The following CFAP92 variants were observed in gnomAD, a reference collection of about 807,000 sequenced individuals.
CFAP92 encodes uncharacterized protein CFAP92.
Under a neutral mutation model 106.3 loss-of-function variants are expected in CFAP92, and 86 were observed. That is an observed-to-expected ratio of 0.81 (90% CI 0.68 to 0.97). The LOEUF (loss-of-function observed/expected upper bound fraction) is 0.97. Ranked by LOEUF, CFAP92 falls within the 50% of genes least tolerant of loss-of-function variation. The pLI, the probability that CFAP92 is intolerant of heterozygous loss-of-function variation, is 0.00. For missense variants in CFAP92, 1,204 were observed against 1,283.8 expected, an observed-to-expected ratio of 0.94 and a Z score of 0.95; for synonymous variants, 477 against 506.4, an observed-to-expected ratio of 0.94 and a Z score of 0.78.
chr3:128,986,521 T>C (rs1227559681), intron 4 of CFAP92, among the ~76,000 whole-genome samples: 3 of 151,096 alleles, frequency 2.0e-5, no homozygotes, highest in African/African-American at 7.3e-5. Flanking sequence ...GTACCTGCCT[T>C]TTTTTAATTT....
chr3:128,972,242 T>G (rs780786012), intron 7 of CFAP92, among the ~76,000 whole-genome samples: 102 of 151,090 alleles, frequency 6.8e-4, no homozygotes, highest in Non-Finnish European at 1.3e-3. Context: ...ATGAAGGATT[T>G]CTTTCTTTTT....
chr3:129,015,293 G>C, the CFAP92 span, among the ~76,000 whole-genome samples: 1 of 152,042 alleles, frequency 6.6e-6, no homozygotes, highest in African/African-American at 2.4e-5. Context: ...TTCAGGTCTT[G>C]CCAGACCCCA....
chr3:128,926,944 A>G (rs148287730), intron 12 of CFAP92, among the ~76,000 whole-genome samples: 1,985 of 152,040 alleles, frequency 0.013, 19 homozygotes, highest in Non-Finnish European at 0.022. Context: ...AAATACAAAA[A>G]TTAGCTGGGT....
At chr3:129,009,377 A>G in the CFAP92 span, among the ~76,000 whole-genome samples, 1 of 152,166 alleles carries the variant, frequency 6.6e-6, no homozygotes, top group East Asian at 1.9e-4. Flanking sequence ...CTCTCTGGCA[A>G]ATTCTCTCCC....
intron 12 of CFAP92, among the ~76,000 whole-genome samples, chr3:128,930,193 C>T (rs1938204588): frequency 6.6e-6 from 1 of 152,098 alleles, no homozygotes; most frequent in African/African-American, 2.4e-5. Context: ...CTCTGTCGCC[C>T]AGGCTGGAGT....
intron 15 of CFAP92, among the ~76,000 whole-genome samples, chr3:128,911,919 C>T (rs369842382): frequency 2.6e-5 from 4 of 152,228 alleles, no homozygotes; most frequent in African/African-American, 9.6e-5. Context: ...GGGCTTTGCT[C>T]GTGCTCCCCG....
At position 128,991,720 on chromosome 3, in the gene CFAP92, T is replaced by G. The variant is rs545625701; in HGVS notation, c.262+1323A>C. 5.9e-6 allele frequency: 6 copies of G among 1,008,862 alleles called. No individual in the cohort carries two copies. In the African/African-American group the frequency reaches 1.1e-4, roughly 18 times the overall value. 62.5% of individuals were successfully genotyped at this position (1,008,862 alleles called of 1,614,324 possible). ...CCAAGGCGTTCATTGAAACAGCATGTTGCTCCACACCGCCTCGTGTTGTCT... is the reference window on the plus strand; with the variant it reads ...CCAAGGCGTTCATTGAAACAGCATGGTGCTCCACACCGCCTCGTGTTGTCT... On this transcript the variant is annotated intron_variant, in intron 2 of 15. Coordinates refer to ENST00000645291, the MANE Select transcript of CFAP92 (RefSeq NM_001394090.1).
intron 5 of CFAP92, 136 bp downstream of exon 5, chr3:128,977,909 G>T: frequency 9.8e-7 from 1 of 1,019,368 alleles, no homozygotes; most frequent in Non-Finnish European, 1.5e-6. Context: ...CGTGTGGCAG[G>T]GTGAGCCCCG....
intron 2 of CFAP92, chr3:128,991,572 GC>G: frequency 6.3e-6 from 1 of 159,650 alleles, no homozygotes; most frequent in Non-Finnish European, 1.4e-5. Flanking sequence ...TGAGAAAGAG[GC>G]CATCCGGGTA....
chr3:128,971,123 G>T, intron 8 of CFAP92, 164 bp downstream of exon 8: 2 of 1,080,560 alleles, frequency 1.9e-6, no homozygotes, highest in Non-Finnish European at 2.7e-6. Context: ...CTGGGCCTTT[G>T]TTTCCCCCTG....
At chr3:129,000,299 C>G (rs1385281448) in intron 1 of CFAP92, among the ~76,000 whole-genome samples, 1 of 152,226 alleles carries the variant, frequency 6.6e-6, no homozygotes, top group Non-Finnish European at 1.5e-5. Flanking sequence ...CTAACTCCTT[C>G]CCAGCAGATA....
At chr3:128,964,870 C>G (rs1444497958) in intron 9 of CFAP92, among the ~76,000 whole-genome samples, 1 of 152,160 alleles carries the variant, frequency 6.6e-6, no homozygotes, top group African/African-American at 2.4e-5. Flanking sequence ...CGCCCGTTCT[C>G]TCTCCACACC....
intron 12 of CFAP92, among the ~76,000 whole-genome samples, chr3:128,917,600 G>A (rs1161403495): frequency 6.6e-6 from 1 of 151,998 alleles, no homozygotes; most frequent in African/African-American, 2.4e-5. Context: ...GGAAAAGATG[G>A]GCTAAGAATT....
chr3:128,996,948 G>C (rs1363629578), upstream of CFAP92, among the ~76,000 whole-genome samples: 1 of 152,188 alleles, frequency 6.6e-6, no homozygotes, highest in African/African-American at 2.4e-5. Context: ...CTCAGAGCAG[G>C]GATCCCAGAG....
At chr3:128,926,141 C>A (rs1022438449) in intron 12 of CFAP92, among the ~76,000 whole-genome samples, 11 of 152,202 alleles carry the variant, frequency 7.2e-5, no homozygotes, top group Non-Finnish European at 2.9e-5. Context: ...TGAACAAGCA[C>A]TTTATAAAAG....
chr3:128,917,471 C>T (rs925621843), intron 12 of CFAP92, among the ~76,000 whole-genome samples: 1 of 152,124 alleles, frequency 6.6e-6, no homozygotes. Context: ...CTGAGATTCT[C>T]TGCTGAGGGG....
At chr3:128,960,305 C>A (rs1489024631) in intron 9 of CFAP92, among the ~76,000 whole-genome samples, 3 of 152,234 alleles carry the variant, frequency 2.0e-5, no homozygotes, top group Non-Finnish European at 4.4e-5. Flanking sequence ...AATCCCCCGT[C>A]CTCCTGCTCT....
Position 128,910,096 on chromosome 3 carries a change from C to CCG in CFAP92, c.*202_*203insCG. 6.2e-7 allele frequency: 1 copy of CCG among 1,613,684 alleles called. No individual in the cohort carries two copies. ...CAACCTGTATGGCATGACGGCCGTG[C>CCG]TGTCGCGGGCCAGCCGCTCCATCCG... On this transcript the variant is annotated 3_prime_UTR_variant, in exon 16 of 16. Coordinates refer to ENST00000645291, the MANE Select transcript of CFAP92 (RefSeq NM_001394090.1).
upstream of CFAP92, chr3:129,003,938 G>A (rs1415082770): frequency 2.1e-6 from 3 of 1,401,836 alleles, no homozygotes; most frequent in Non-Finnish European, 2.8e-6. Flanking sequence ...CCAGGCCGAG[G>A]TGCGGCGGCG....
Sources: gnomAD v4.1 joint callset for allele counts (sites outside exome capture counted in the v4.1 genomes callset) on GRCh38, gnomAD v4.1.1 for gene constraint, MANE v1.5 for transcripts, NCBI Gene and HGNC (gene_info 2026-07-23, HGNC 2026-07-21) for gene names.